Variants in DDX24 observed in about 807,000 individuals in gnomAD.
DDX24 encodes the protein ATP-dependent RNA helicase DDX24.
DDX24 carries 24 observed loss-of-function variants against 68.9 expected under a neutral mutation model. That is an observed-to-expected ratio of 0.35 (90% CI 0.25 to 0.49). The LOEUF is 0.49. DDX24 is among the 20% of genes least tolerant of loss of function. The pLI, the probability that DDX24 is intolerant of heterozygous loss-of-function variation, is 0.99. For missense variants in DDX24, 989 were observed against 1,039.0 expected (o/e 0.95, Z 0.66); for synonymous variants, 395 against 385.2 (o/e 1.03, Z -0.30).
intron 6 of DDX24, chr14:94,057,524 CA>C (rs1213998885): frequency 2.8e-5 from 10 of 353,122 alleles, no homozygotes; most frequent in African/African-American, 1.9e-4. Flanking sequence ...TTCTCTACAT[CA>C]GGGTAACCAA....
In DDX24 at chr14:94,051,432, C is replaced by A. The variant is rs139389411; in HGVS notation, c.2339G>T (p.Arg780Leu). 3 of 1,570,522 alleles carry A rather than the reference C, an allele frequency of 1.9e-6. No individual in the cohort carries two copies. The African/African-American group carries it at 4.1e-5, about 21-fold the overall frequency. Residue 780 changes from arginine to leucine, a missense_variant, in exon 9 of 9, where the codon CGG (arginine) becomes CTG (leucine). Coordinates refer to ENST00000621632, the MANE Select transcript of DDX24 (RefSeq NM_020414.4). ...CAGAACCTTCATCTGCTTTTGTCTCCGACGTTCTTCTTGCTGGTCAGCTTT... is the reference window on the plus strand; with the variant it reads ...CAGAACCTTCATCTGCTTTTGTCTCAGACGTTCTTCTTGCTGGTCAGCTTT... ...GGKADQQEER[R>L]RQKQMKVLKK...
chr14:94,071,037 T>C (rs1885817054), intron 2 of DDX24, among the ~76,000 whole-genome samples: 1 of 152,186 alleles, frequency 6.6e-6, no homozygotes, highest in Non-Finnish European at 1.5e-5. Flanking sequence ...AAAGAGCTTC[T>C]GTACAGCAAA....
At position 94,078,228 on chromosome 14, in the gene DDX24, T is replaced by C. The variant is rs574108090; in HGVS notation, c.718+797A>G. 9.2e-5 allele frequency among the ~76,000 whole-genome samples: 14 copies of C among 152,320 alleles called. No homozygotes were observed. The South Asian group carries it at 2.9e-3, about 32-fold the overall frequency. Reference sequence around the variant, plus strand: ...CACTACACCATTTTATATCAGAGACTTGAGCATCCCTGGATTTTGGTATCC... The same window carrying C: ...CACTACACCATTTTATATCAGAGACCTGAGCATCCCTGGATTTTGGTATCC... On this transcript the variant is annotated intron_variant, in intron 2 of 8. Coordinates refer to ENST00000621632, the MANE Select transcript of DDX24 (RefSeq NM_020414.4).
intron 8 of DDX24, 96 bp from the exon 9 acceptor site, chr14:94,051,558 T>A (rs1241343631): frequency 1.4e-6 from 2 of 1,457,762 alleles, no homozygotes; most frequent in Non-Finnish European, 1.8e-6. Flanking sequence ...GTTTTAGAAC[T>A]ACTTTAGGGA....
chr14:94,079,281 C>A lies in DDX24; in HGVS notation c.462G>T (p.Lys154Asn). The part of the protein sequence containing the change: ...SENLVQTAPK[K>N]KKNKGKKGLE... ...ACCCTTTTTTCCCTTTATTTTTCTT[C>A]TTTTTTGGAGCAGTTTGGACCAGGT... Residue 154 changes from lysine (K) to asparagine (N), a missense_variant, in exon 2 of 9, where the codon AAG (lysine) becomes AAT (asparagine). This residue lies in a region of DDX24 where 295 missense variants were observed against 263.0 expected (regional missense o/e 1.12). Transcript: ENST00000621632. 6.2e-7 allele frequency: 1 copy of A among 1,614,052 alleles called. No individual in the cohort carries two copies. The highest frequency in any genetic ancestry group is 2.2e-5 in the East Asian group (1 of 44,884).
In DDX24 at chr14:94,051,006, G is replaced by T; in HGVS notation, c.*185C>A. On this transcript the variant is annotated 3_prime_UTR_variant, in exon 9 of 9. Coordinates refer to ENST00000621632, the MANE Select transcript of DDX24 (RefSeq NM_020414.4). Reference sequence around the variant, plus strand: ...TGCAATACAGAAAAATTAAGCTGCTGCATTGAATTCTTACTCCAAAACAAT... The same window carrying T: ...TGCAATACAGAAAAATTAAGCTGCTTCATTGAATTCTTACTCCAAAACAAT... 1.9e-6 allele frequency: 1 copy of T among 538,314 alleles called. No homozygotes were observed. Among genetic ancestry groups the T allele is most frequent in the Non-Finnish European group, 3.0e-6 (1 of 331,798 alleles). The allele number at this position is 538,314 out of a possible 1,614,324, so 33.3% of individuals were successfully genotyped here.
rs368810046 is a variant in DDX24 at position 94,076,498 on chromosome 14, T to C, written c.718+2527A>G. 4.6e-5 allele frequency among the ~76,000 whole-genome samples: 7 copies of C among 151,920 alleles called. No individual in the cohort carries two copies. The South Asian group carries it at 1.2e-3, about 27-fold the overall frequency. ...GAGTTTGCGACCAGCCTGACCAACA[T>C]AGTGAAACCCCGTCTCTGCTAAAAA... On this transcript the variant is annotated intron_variant, in intron 2 of 8. Transcript: ENST00000621632.
At chr14:94,059,964 A>T in intron 5 of DDX24, 134 bp downstream of exon 5, 1 of 1,144,282 alleles carries the variant, frequency 8.7e-7, no homozygotes, top group Non-Finnish European at 1.2e-6. Context: ...TGCAAAAAAA[A>T]AAAAAGGCTA....
chr14:94,073,076 ATTTTC>A (rs1240265179), intron 2 of DDX24, among the ~76,000 whole-genome samples: 1 of 142,916 alleles, frequency 7.0e-6, no homozygotes, highest in Non-Finnish European at 1.5e-5. Flanking sequence ...AACTCAATTA[ATTTTC>A]TTTTCTTTTT....
rs764404553 is a variant in DDX24, at chr14:94,062,194, T to C, written c.1146A>G (p.Ala382=). 42 of 1,614,036 alleles carry C rather than the reference T, an allele frequency of 2.6e-5. No homozygotes were observed. Among genetic ancestry groups the C allele is most frequent in the Non-Finnish European group, 3.1e-5 (37 of 1,180,018 alleles). ...GTCCAAGCAGAGGACGCTTTGGATA[T>C]GCCTTACAGGTGGCGCTTTTGTCAT... ...ELDDKSATCK[A]YPKRPLLGLV... Residue 382 remains alanine, a synonymous_variant, in exon 3 of 9, where the codon GCA becomes GCG. Coordinates refer to ENST00000621632, the MANE Select transcript of DDX24 (RefSeq NM_020414.4).
In DDX24 at chr14:94,081,190, T is replaced by A. The variant is rs928705259; in HGVS notation, c.-77A>T. The A allele has an allele frequency of 3.9e-5, 6 of 152,426 alleles. No individual in the cohort carries two copies. Among genetic ancestry groups the A allele is most frequent in the Admixed American group, 3.3e-4 (5 of 15,306 alleles). The allele number at this position is 152,426 out of a possible 1,614,324, so 9.4% of individuals were successfully genotyped here. On this transcript the variant is annotated 5_prime_UTR_variant, in exon 1 of 9. Coordinates refer to ENST00000621632, the MANE Select transcript of DDX24 (RefSeq NM_020414.4). ...TCAGAAACCGCCGCTGTACCTCAGC[T>A]GCAGCAGCAACTGCAGTTCCGGGGC...
At chr14:94,056,562 C>CTA (rs1477896593) in intron 6 of DDX24, 1 of 152,110 alleles carries the variant, frequency 6.6e-6, no homozygotes, top group Non-Finnish European at 1.5e-5. Context: ...ATCTCCCCAT[C>CTA]TATATTCTTT....
intron 2 of DDX24, among the ~76,000 whole-genome samples, chr14:94,072,271 A>G (rs995331645): frequency 1.3e-5 from 2 of 152,258 alleles, no homozygotes; most frequent in African/African-American, 4.8e-5. Context: ...CTATGCAGCC[A>G]TAAAAAGGAA....
At chr14:94,056,187 T>C (rs1349363831) in intron 6 of DDX24, 1 of 152,226 alleles carries the variant, frequency 6.6e-6, no homozygotes, top group Non-Finnish European at 1.5e-5. Flanking sequence ...GCACCTGTGA[T>C]ACAGTGAAAT....
chr14:94,048,837 G>A lies in DDX24; in HGVS notation c.*2354C>T, dbSNP rs1885333720. ...GCTGTAACTCAGTGAGTGGCTTCCAGGGGCCCCAGGCCCTGCTGGATGTGG... is the reference window on the plus strand; with the variant it reads ...GCTGTAACTCAGTGAGTGGCTTCCAAGGGCCCCAGGCCCTGCTGGATGTGG... On this transcript the variant is annotated 3_prime_UTR_variant, in exon 9 of 9. Coordinates refer to ENST00000621632, the MANE Select transcript of DDX24 (RefSeq NM_020414.4). 1 of 152,294 alleles carries A rather than the reference G, an allele frequency of 6.6e-6. No individual in the cohort carries two copies. Among genetic ancestry groups the A allele is most frequent in the African/African-American group, 2.4e-5 (1 of 41,460 alleles). The allele number at this position is 152,294 out of a possible 1,614,324, so 9.4% of individuals were successfully genotyped here.
intron 6 of DDX24, chr14:94,056,895 TGAGA>T (rs1390667006): frequency 7.9e-5 from 12 of 152,218 alleles, no homozygotes; most frequent in African/African-American, 2.9e-4. Flanking sequence ...TGTTGTGAAG[TGAGA>T]GAATGGGAAA....
rs1885376677 is a variant in DDX24 at position 94,051,041 on chromosome 14, C to T, written c.*150G>A. Reference sequence around the variant, plus strand: ...CTTACTCCAAAACAATGCAAATCTGCATGAGGTCTCTCCCGCTATGGGTGT... The same window carrying T: ...CTTACTCCAAAACAATGCAAATCTGTATGAGGTCTCTCCCGCTATGGGTGT... On this transcript the variant is annotated 3_prime_UTR_variant, in exon 9 of 9. Coordinates refer to ENST00000621632, the MANE Select transcript of DDX24 (RefSeq NM_020414.4). 2.3e-6 allele frequency: 2 copies of T among 854,364 alleles called. No individual in the cohort carries two copies. The highest frequency in any genetic ancestry group is 3.4e-6 in the Non-Finnish European group (2 of 586,314). 52.9% of individuals were successfully genotyped at this position (854,364 alleles called of 1,614,324 possible).
In DDX24 at chr14:94,062,083, G is replaced by T. The variant is rs1410984320; in HGVS notation, c.1243+14C>A. 1.3e-6 allele frequency: 2 copies of T among 1,596,038 alleles called. No individual in the cohort carries two copies. Among genetic ancestry groups the T allele is most frequent in the Non-Finnish European group, 1.7e-6 (2 of 1,170,698 alleles). On this transcript the variant is annotated intron_variant, in intron 3 of 8. Transcript: ENST00000621632. The stretch of plus-strand genomic sequence containing the variant: ...TTACCTAGAAAATATTTATTAAATG[G>T]AACTAAACCTCACCTGTAAACCTGG...
intron 2 of DDX24, 61 bp from the exon 3 acceptor site, chr14:94,062,682 T>C: frequency 1.3e-6 from 2 of 1,528,060 alleles, no homozygotes; most frequent in South Asian, 1.3e-5. Context: ...GAACATACTT[T>C]AGTCTGGAAT....
Sources: allele counts gnomAD v4.1 joint callset (sites outside exome capture counted in the v4.1 genomes callset), GRCh38; gene constraint gnomAD v4.1.1; regional missense constraint gnomAD v4.1.1; transcripts MANE v1.5; gene names NCBI Gene and HGNC (gene_info 2026-07-23, HGNC 2026-07-21).